NCKAP5: variants seen among roughly 807,000 people sequenced by gnomAD.
NCKAP5 encodes the protein nck-associated protein 5.
A neutral mutation model predicts 167.0 loss-of-function variants in NCKAP5; 92 were observed. The ratio of observed to expected loss-of-function variants is 0.55; its 90% confidence interval spans 0.47 to 0.66. NCKAP5 has a LOEUF of 0.66. Among genes scored for constraint, NCKAP5 ranks in the 30% least tolerant of loss-of-function variants. NCKAP5 has a pLI of 0.00. For synonymous variants in NCKAP5, 891 were observed against 877.4 expected (o/e 1.02, Z -0.27); for missense variants, 2,378 against 2,315.0 (o/e 1.03, Z -0.56).
At chr2:132,980,375 C>A (rs1348747267) in intron 7 of NCKAP5, among the ~76,000 whole-genome samples, 1 of 152,112 alleles carries the variant, frequency 6.6e-6, no homozygotes, top group Non-Finnish European at 1.5e-5. Flanking sequence ...ACACCCCAGA[C>A]CCATTAAATC....
At chr2:133,554,116 C>T (rs1687572040) in intron 2 of NCKAP5, among the ~76,000 whole-genome samples, 1 of 152,178 alleles carries the variant, frequency 6.6e-6, no homozygotes, top group Non-Finnish European at 1.5e-5. Flanking sequence ...GCAGCAGAAT[C>T]TCTGAGGCTT....
chr2:133,404,446 C>T (rs1465256814), intron 3 of NCKAP5, among the ~76,000 whole-genome samples: 1 of 152,062 alleles, frequency 6.6e-6, no homozygotes, highest in Non-Finnish European at 1.5e-5. Flanking sequence ...TATGATAAAG[C>T]TTAATTTATG....
At chr2:133,381,396 G>A (rs944845079) in intron 3 of NCKAP5, 6 of 152,212 alleles carry the variant, frequency 3.9e-5, no homozygotes, top group Non-Finnish European at 8.8e-5. Flanking sequence ...ACCTGATTAA[G>A]AGATGATAAA....
chr2:133,447,069 G>A (rs776571544), intron 3 of NCKAP5, among the ~76,000 whole-genome samples: 12 of 152,164 alleles, frequency 7.9e-5, no homozygotes, highest in Admixed American at 4.6e-4. Context: ...GACTCTATGC[G>A]TGGTGGAAAA....
intron 6 of NCKAP5, among the ~76,000 whole-genome samples, chr2:133,112,162 C>T (rs184896216): frequency 6.6e-6 from 1 of 152,250 alleles, no homozygotes; most frequent in Admixed American, 6.5e-5. Context: ...CTCTGAGTCA[C>T]AGTTTATTCA....
At chr2:133,651,799 T>G in the NCKAP5 span, among the ~76,000 whole-genome samples, 2 of 152,214 alleles carry the variant, frequency 1.3e-5, no homozygotes, top group African/African-American at 4.8e-5. Context: ...TGTATACGCA[T>G]TCAATGGAAT....
At chr2:133,269,488 T>C (rs2089412545) in intron 4 of NCKAP5, among the ~76,000 whole-genome samples, 1 of 152,144 alleles carries the variant, frequency 6.6e-6, no homozygotes, top group South Asian at 2.1e-4. Context: ...TCTGGGAAGA[T>C]GGTCCCAGGA....
At chr2:132,709,153 C>G (rs6748804) in intron 19 of NCKAP5, among the ~76,000 whole-genome samples, 2 of 143,450 alleles carry the variant, frequency 1.4e-5, no homozygotes, top group Admixed American at 6.7e-5. Context: ...CTACACCCCC[C>G]CACCAAACCA....
intron 8 of NCKAP5, among the ~76,000 whole-genome samples, chr2:132,897,685 C>A (rs532517429): frequency 1.3e-5 from 2 of 152,244 alleles, no homozygotes; most frequent in South Asian, 4.1e-4. Context: ...CAGAATCAAG[C>A]AAGTCACACG....
intron 5 of NCKAP5, among the ~76,000 whole-genome samples, chr2:133,157,233 T>C (rs1216922931): frequency 6.6e-6 from 1 of 152,212 alleles, no homozygotes; most frequent in African/African-American, 2.4e-5. Flanking sequence ...AGCGGGCCCA[T>C]CAAATGGTGG....
At chr2:133,538,930 GGTT>G (rs1685979064) in intron 2 of NCKAP5, among the ~76,000 whole-genome samples, 1 of 104,574 alleles carries the variant, frequency 9.6e-6, no homozygotes, top group Non-Finnish European at 2.0e-5. Context: ...GGTTTTTTTG[GGTT>G]TTTTTTTTTT....
At chr2:133,204,418 A>G (rs1388756629) in intron 5 of NCKAP5, among the ~76,000 whole-genome samples, 1 of 152,148 alleles carries the variant, frequency 6.6e-6, no homozygotes, top group Non-Finnish European at 1.5e-5. Flanking sequence ...ATTTCCATAC[A>G]TGTTAGATTT....
intron 8 of NCKAP5, among the ~76,000 whole-genome samples, chr2:132,942,419 C>T (rs944125902): frequency 2.6e-5 from 4 of 152,094 alleles, no homozygotes; most frequent in Non-Finnish European, 4.4e-5. Context: ...CAGGTGATGT[C>T]GACACTACTG....
At chr2:133,065,717 A>G (rs2080169553) in intron 6 of NCKAP5, among the ~76,000 whole-genome samples, 1 of 152,200 alleles carries the variant, frequency 6.6e-6, no homozygotes, top group Non-Finnish European at 1.5e-5. Flanking sequence ...ACACTCTACC[A>G]GCAGGCAAGA....
At chr2:133,441,313 C>T in intron 3 of NCKAP5, among the ~76,000 whole-genome samples, 1 of 152,178 alleles carries the variant, frequency 6.6e-6, no homozygotes. Context: ...GAATGTTAGT[C>T]TTTTCCAGAG....
chr2:132,804,937 C>T (rs773542003), intron 11 of NCKAP5, among the ~76,000 whole-genome samples: 3 of 151,884 alleles, frequency 2.0e-5, no homozygotes, highest in African/African-American at 4.8e-5. Flanking sequence ...AAGGGAGGGA[C>T]GTGATAACAT....
intron 16 of NCKAP5, among the ~76,000 whole-genome samples, chr2:132,762,832 T>C (rs1681125013): frequency 6.6e-6 from 1 of 152,240 alleles, no homozygotes; most frequent in Non-Finnish European, 1.5e-5. Flanking sequence ...ATGCTCACTG[T>C]GTGCCTTTCC....
rs140619521 is a variant in NCKAP5, at chr2:133,315,444, C to T, written c.70-12334G>A. ...CAAGGGGTGTTGAATAAATTGTTCT[C>T]CTTTGGCAGTGAAGTTTGTGACGTC... On this transcript the variant is annotated intron_variant, in intron 3 of 19. Coordinates refer to ENST00000409261, the MANE Select transcript of NCKAP5 (RefSeq NM_207363.3). 5.3e-5 allele frequency among the ~76,000 whole-genome samples: 8 copies of T among 152,194 alleles called. No homozygotes were observed. The East Asian group carries it at 1.5e-3, about 29-fold the overall frequency.
chr2:133,370,742 A>C (rs1055194181), intron 3 of NCKAP5, among the ~76,000 whole-genome samples: 2 of 150,500 alleles, frequency 1.3e-5, no homozygotes, highest in East Asian at 1.9e-4. Context: ...AAAATACCTG[A>C]TCATCAAAAT....
Sources: allele counts gnomAD v4.1 joint callset (sites outside exome capture counted in the v4.1 genomes callset), GRCh38; gene constraint gnomAD v4.1.1; transcripts MANE v1.5; gene names NCBI Gene and HGNC (gene_info 2026-07-23, HGNC 2026-07-21).